The following ZRANB3 variants were observed in gnomAD, a reference collection of about 807,000 sequenced individuals.
The protein encoded by ZRANB3 is zinc finger RANBP2-type containing 3.
Under a neutral mutation model 133.8 loss-of-function variants are expected in ZRANB3, and 125 were observed. That is an observed-to-expected ratio of 0.93 (90% confidence interval 0.81 to 1.08). ZRANB3 has a LOEUF of 1.08. Among genes scored for constraint, ZRANB3 ranks in the 50% least tolerant of loss-of-function variants. The pLI is 0.00. For synonymous variants in ZRANB3, 387 were observed against 432.7 expected, an observed-to-expected ratio of 0.89 and a Z score of 1.31; for missense variants, 1,229 against 1,275.5, an observed-to-expected ratio of 0.96 and a Z score of 0.56.
Position 135,215,943 on chromosome 2 carries a change from A to G in ZRANB3, c.2495+1522T>C, listed in dbSNP as rs116566616. On this transcript the variant is annotated intron_variant, in intron 17 of 20. Coordinates refer to ENST00000264159, the MANE Select transcript of ZRANB3 (RefSeq NM_032143.4). Reference sequence around the variant, plus strand: ...ACAATTTAAAATGTCTCCAGACACTACCATCCTACGGGACCAAATTGCTCC... The same window carrying G: ...ACAATTTAAAATGTCTCCAGACACTGCCATCCTACGGGACCAAATTGCTCC... 3.0e-3 allele frequency among the ~76,000 whole-genome samples: 452 copies of G among 152,262 alleles called. 2 individuals carry two copies. The highest frequency in any genetic ancestry group is 0.01 in the African/African-American group (428 of 41,546).
Position 135,387,938 on chromosome 2 carries a change from T to C in ZRANB3, c.180+2864A>G, listed in dbSNP as rs147416110. 1.1e-4 allele frequency among the ~76,000 whole-genome samples: 17 copies of C among 152,244 alleles called. No homozygotes were observed. The East Asian group carries it at 2.9e-3, about 26-fold the overall frequency. ...AGGGTTCATGACCTCTGCATACTCG[T>C]TAACTGAGGATAAGGGTGTGTTAGA... On this transcript the variant is annotated intron_variant, in intron 3 of 20. Transcript: ENST00000264159.
chr2:135,396,221 A>G (rs1390973913), intron 2 of ZRANB3, among the ~76,000 whole-genome samples: 1 of 152,230 alleles, frequency 6.6e-6, no homozygotes, highest in Non-Finnish European at 1.5e-5. Flanking sequence ...GGGAATGTAA[A>G]TTAGTATAGC....
chr2:135,459,735 T>G (rs1487741497), intron 2 of ZRANB3, among the ~76,000 whole-genome samples: 1 of 152,158 alleles, frequency 6.6e-6, no homozygotes, highest in Non-Finnish European at 1.5e-5. Flanking sequence ...ATAGTTAACT[T>G]TAGAGGGATC....
chr2:135,237,191 T>C (rs1216462493), intron 12 of ZRANB3, among the ~76,000 whole-genome samples: 1 of 151,690 alleles, frequency 6.6e-6, no homozygotes, highest in Non-Finnish European at 1.5e-5. Context: ...CATGAAAAAA[T>C]GCTCATCATC....
intron 8 of ZRANB3, among the ~76,000 whole-genome samples, chr2:135,313,052 A>AAT (rs1683077487): frequency 6.6e-6 from 1 of 151,034 alleles, no homozygotes; most frequent in Non-Finnish European, 1.5e-5. Flanking sequence ...GAAAAAAATG[A>AAT]ATATATATAT....
intron 2 of ZRANB3, among the ~76,000 whole-genome samples, chr2:135,442,862 A>C (rs1437314361): frequency 1.3e-5 from 2 of 152,178 alleles, no homozygotes; most frequent in Non-Finnish European, 2.9e-5. Context: ...CATGCCTGTA[A>C]TCCCAGCACT....
At chr2:135,488,532 T>C (rs1692225923) in intron 2 of ZRANB3, among the ~76,000 whole-genome samples, 1 of 151,578 alleles carries the variant, frequency 6.6e-6, no homozygotes, top group East Asian at 1.9e-4. Flanking sequence ...TATATTTGAT[T>C]ATACTATATA....
chr2:135,324,132 G>C (rs1296383580), intron 6 of ZRANB3, among the ~76,000 whole-genome samples: 1 of 151,632 alleles, frequency 6.6e-6, no homozygotes, highest in African/African-American at 2.4e-5. Context: ...GCACAACGTG[G>C]AGGTTTGTTA....
At chr2:135,284,800 C>T (rs1467091485) in intron 8 of ZRANB3, among the ~76,000 whole-genome samples, 2 of 151,480 alleles carry the variant, frequency 1.3e-5, no homozygotes, top group Admixed American at 6.6e-5. Context: ...ATCCTCACTT[C>T]CTTTCCTTTT....
chr2:135,406,790 C>T (rs1688055324), intron 2 of ZRANB3, among the ~76,000 whole-genome samples: 2 of 152,134 alleles, frequency 1.3e-5, no homozygotes, highest in Admixed American at 6.5e-5. Flanking sequence ...GCTAAACACT[C>T]TCAATAAATT....
chr2:135,504,542 A>G, intron 1 of ZRANB3, 46 bp from the exon 2 acceptor site: 1 of 1,510,254 alleles, frequency 6.6e-7, no homozygotes, highest in Non-Finnish European at 9.0e-7. Context: ...TAAGAAATAG[A>G]TATTACTAAG....
rs1490717915 is a variant in ZRANB3 at position 135,230,558 on chromosome 2, C to A, written c.1909G>T (p.Glu637Ter). Residue 637 changes from glutamate to a stop codon, truncating the protein, a stop_gained, in exon 13 of 21, where the codon GAG (glutamate) becomes TAG (stop). Transcript: ENST00000264159. LOFTEE classifies it high-confidence loss of function. The part of the protein sequence containing the change: ...CSLCTYINNS[E>*]LPYCEMCETP... ...TCACACATTTCACAATAAGGTAACT[C>A]TGAATTATTGATATAGGTGCAGAGA... 1.9e-6 allele frequency: 3 copies of A among 1,569,510 alleles called. No individual in the cohort carries two copies. The highest frequency in any genetic ancestry group is 2.6e-6 in the Non-Finnish European group (3 of 1,163,002).
chr2:135,481,462 G>T (rs1403777542), intron 2 of ZRANB3, among the ~76,000 whole-genome samples: 1 of 152,096 alleles, frequency 6.6e-6, no homozygotes, highest in Non-Finnish European at 1.5e-5. Context: ...TGATGGGGCT[G>T]TTTGTTTTTT....
intron 3 of ZRANB3, among the ~76,000 whole-genome samples, chr2:135,365,780 T>A (rs1685906569): frequency 1.3e-5 from 2 of 152,222 alleles, no homozygotes; most frequent in African/African-American, 4.8e-5. Context: ...TTGCTTAGTA[T>A]CATAAATAAT....
At chr2:135,240,906 G>C (rs1435183374) in intron 12 of ZRANB3, among the ~76,000 whole-genome samples, 2 of 152,116 alleles carry the variant, frequency 1.3e-5, no homozygotes, top group East Asian at 3.8e-4. Context: ...GCATTGTTCT[G>C]TTTCTTCCAA....
chr2:135,475,725 C>A (rs1253472789), intron 2 of ZRANB3, among the ~76,000 whole-genome samples: 1 of 152,024 alleles, frequency 6.6e-6, no homozygotes, highest in Non-Finnish European at 1.5e-5. Flanking sequence ...TACACAGTGC[C>A]AAAGGATATT....
At chr2:135,457,733 C>T (rs990706445) in intron 2 of ZRANB3, among the ~76,000 whole-genome samples, 6 of 146,820 alleles carry the variant, frequency 4.1e-5, no homozygotes, top group South Asian at 2.2e-4. Flanking sequence ...TGATGATGCC[C>T]GTCTATTCAT....
At chr2:135,467,994 T>C (rs1428716336) in intron 2 of ZRANB3, among the ~76,000 whole-genome samples, 2 of 152,278 alleles carry the variant, frequency 1.3e-5, no homozygotes, top group African/African-American at 4.8e-5. Flanking sequence ...ATTTATATTT[T>C]AGAAAACACA....
At chr2:135,440,936 A>C (rs1452167757) in intron 2 of ZRANB3, among the ~76,000 whole-genome samples, 1 of 152,240 alleles carries the variant, frequency 6.6e-6, no homozygotes, top group Non-Finnish European at 1.5e-5. Flanking sequence ...AGGTACACAG[A>C]GAATAAAAGG....
Sources: gnomAD v4.1 joint callset for allele counts (sites outside exome capture counted in the v4.1 genomes callset) on GRCh38, gnomAD v4.1.1 for gene constraint, MANE v1.5 for transcripts, NCBI Gene and HGNC (gene_info 2026-07-23, HGNC 2026-07-21) for gene names.